PUDP: variants seen among roughly 807,000 people sequenced by gnomAD.
The protein encoded by PUDP is pseudouridine 5'-phosphatase, also known as pseudouridine-5'-phosphatase.
In PUDP, 8 loss-of-function variants were observed where a neutral mutation model predicts 9.4. The ratio of observed to expected loss-of-function variants is 0.85; its 90% CI spans 0.50 to 1.53. PUDP has a LOEUF of 1.53. Ranked by LOEUF, PUDP falls within the 40% of genes most tolerant of loss-of-function variation. The probability of loss-of-function intolerance (pLI) is 0.00; values close to 1 mark genes in which losing one functional copy is unlikely to be tolerated. For synonymous variants in PUDP, 99 were observed against 80.7 expected (o/e 1.23, Z -1.22); for missense variants, 188 against 189.7 (o/e 0.99, Z 0.05).
intron 3 of PUDP, among the ~76,000 whole-genome samples, chrX:6,932,772 T>C (rs1388031324): frequency 8.9e-6 from 1 of 111,802 alleles, no homozygotes; most frequent in Non-Finnish European, 1.9e-5. Context: ...ACCCGAATAC[T>C]GCGCTTTTCA....
intron 1 of PUDP, among the ~76,000 whole-genome samples, chrX:7,119,947 C>T (rs1932295149): frequency 9.0e-6 from 1 of 111,649 alleles, no homozygotes; most frequent in South Asian, 3.8e-4. Context: ...GAGCAAGGGT[C>T]GTACGAGAAC....
chrX:7,049,943 C>A lies in PUDP; in HGVS notation c.*353G>T. ...TACATACATATGCATGTAATGCCTA[C>A]CTGCATATTACCAAACTGATACACA... On this transcript the variant is annotated 3_prime_UTR_variant, in exon 4 of 4. Coordinates refer to ENST00000381077, the MANE Select transcript of PUDP (RefSeq NM_012080.5). The A allele has an allele frequency of 6.0e-6, 1 of 165,560 alleles. No individual in the cohort carries two copies. The highest frequency in any genetic ancestry group is 3.0e-5 in the African/African-American group (1 of 33,612). The allele number at this position is 165,560 out of a possible 1,213,427, so 13.6% of individuals were successfully genotyped here.
At chrX:7,036,541 C>G (rs761565102) in intron 1 of PUDP, among the ~76,000 whole-genome samples, 1 of 110,384 alleles carries the variant, frequency 9.1e-6, no homozygotes, top group South Asian at 3.9e-4. Context: ...CTCCCATCCC[C>G]CTCTTTTTCT....
intron 3 of PUDP, among the ~76,000 whole-genome samples, chrX:6,904,399 A>T (rs1180335657): frequency 1.8e-5 from 2 of 111,285 alleles, no homozygotes; most frequent in African/African-American, 3.3e-5. Context: ...GCTCCGAAAC[A>T]GCCTACAATG....
At chrX:7,138,142 G>A (rs1282682829) in intron 1 of PUDP, among the ~76,000 whole-genome samples, 8 of 111,824 alleles carry the variant, frequency 7.2e-5, no homozygotes, top group African/African-American at 9.8e-5. Flanking sequence ...GAAATACAGG[G>A]GACAGAGGAA....
chrX:6,733,025 A>C (rs1924828234), intron 3 of PUDP, among the ~76,000 whole-genome samples: 1 of 112,188 alleles, frequency 8.9e-6, no homozygotes, highest in Non-Finnish European at 1.9e-5. Flanking sequence ...TGTGGAGCCA[A>C]CACCAGGTAA....
At chrX:6,932,630 G>T (rs1485527952) in intron 3 of PUDP, among the ~76,000 whole-genome samples, 3 of 99,642 alleles carry the variant, frequency 3.0e-5, no homozygotes, top group Non-Finnish European at 6.3e-5. Context: ...CAGGTCAGTG[G>T]GTGCGCGCAC....
At chrX:6,802,664 T>C (rs1171509033) in intron 3 of PUDP, among the ~76,000 whole-genome samples, 1 of 109,400 alleles carries the variant, frequency 9.1e-6, no homozygotes, top group Non-Finnish European at 1.9e-5. Context: ...TGGGGAGGTC[T>C]CCTGAGGTCA....
chrX:6,950,646 G>A (rs1287678057), intron 3 of PUDP, among the ~76,000 whole-genome samples: 17 of 109,559 alleles, frequency 1.6e-4, no homozygotes, highest in African/African-American at 5.3e-4. Context: ...TCCTGACCTC[G>A]TGATCCACCC....
chrX:6,959,809 T>C (rs1169770802), intron 3 of PUDP, among the ~76,000 whole-genome samples: 1 of 112,869 alleles, frequency 8.9e-6, no homozygotes, highest in Non-Finnish European at 1.9e-5. Flanking sequence ...CCAGGGTATC[T>C]ACAAGGTGGA....
At chrX:6,905,895 G>A (rs1422098899) in intron 3 of PUDP, among the ~76,000 whole-genome samples, 2 of 111,774 alleles carry the variant, frequency 1.8e-5, no homozygotes, top group East Asian at 2.8e-4. Flanking sequence ...CTAAGCCAAA[G>A]GTAAGATAGA....
chrX:6,752,819 T>C (rs1211472734), intron 3 of PUDP, among the ~76,000 whole-genome samples: 2 of 111,961 alleles, frequency 1.8e-5, no homozygotes, highest in Non-Finnish European at 3.8e-5. Flanking sequence ...TGCTTAATCA[T>C]ATGGTTGGTC....
chrX:6,860,460 GGTTTTTTGTTTTTT>G (rs57390121), intron 3 of PUDP, among the ~76,000 whole-genome samples: 1 of 103,765 alleles, frequency 9.6e-6, no homozygotes, highest in South Asian at 4.9e-4. Flanking sequence ...TTCTGTGTGT[GGTTTTTTGTTTTTT>G]GTTTTTTGTT....
intron 3 of PUDP, among the ~76,000 whole-genome samples, chrX:7,075,505 A>AAAAC (rs60328433): frequency 0.36 from 38,317 of 107,608 alleles, 5,611 homozygotes; most frequent in Middle Eastern, 0.48. Context: ...ACTCCATCTC[A>AAAAC]AAACAAACAA....
At chrX:7,070,627 G>A (rs994969825) in intron 3 of PUDP, among the ~76,000 whole-genome samples, 45 of 110,203 alleles carry the variant, frequency 4.1e-4, no homozygotes, top group African/African-American at 1.4e-3. Context: ...CACCCAGGCT[G>A]GAGTGCAATG....
At chrX:6,722,401 CACCA>C (rs1420003847), upstream of PUDP, among the ~76,000 whole-genome samples, 3 of 108,436 alleles carry the variant, frequency 2.8e-5, no homozygotes, top group Non-Finnish European at 5.7e-5. Context: ...ACCAAGATTA[CACCA>C]CTGAACTCCA....
rs920511610 is a variant in PUDP at position 7,140,749 on chromosome X, T to C, written c.61+7304A>G. Among the ~76,000 whole-genome samples the C allele has an allele frequency of 2.7e-5, 3 of 112,068 alleles. No individual in the cohort carries two copies. The Admixed American group carries it at 2.8e-4, about 11-fold the overall frequency. On this transcript the variant is annotated intron_variant, in intron 1 of 3. Transcript: ENST00000381077. Reference sequence around the variant, plus strand: ...GCATATCTTATTTTATTGTGCTTCATAGATTGTAGTTTTTACAAATTCAAG... The same window carrying C: ...GCATATCTTATTTTATTGTGCTTCACAGATTGTAGTTTTTACAAATTCAAG...
chrX:6,758,923 C>T (rs747473762), intron 3 of PUDP, among the ~76,000 whole-genome samples: 1 of 111,860 alleles, frequency 8.9e-6, no homozygotes, highest in Admixed American at 9.5e-5. Context: ...GATTACTGGC[C>T]AAGTGGCAGG....
intron 3 of PUDP, among the ~76,000 whole-genome samples, chrX:6,896,087 C>A (rs1323304924): frequency 4.5e-5 from 5 of 111,899 alleles, no homozygotes; most frequent in African/African-American, 1.3e-4. Context: ...TAGCAAGGAC[C>A]TTTTCATTAG....
Sources: gnomAD v4.1 joint callset for allele counts (sites outside exome capture counted in the v4.1 genomes callset) on GRCh38, gnomAD v4.1.1 for gene constraint, MANE v1.5 for transcripts, NCBI Gene and HGNC (gene_info 2026-07-23, HGNC 2026-07-21) for gene names.